IMMP2L: variants seen among roughly 807,000 people sequenced by gnomAD.
IMMP2L encodes the protein inner mitochondrial membrane peptidase subunit 2, also known as mitochondrial inner membrane protease subunit 2.
IMMP2L carries 18 observed loss-of-function variants against 19.3 expected under a neutral mutation model. The ratio of observed to expected loss-of-function variants is 0.93; its 90% CI spans 0.64 to 1.38. IMMP2L has a LOEUF of 1.38. Ranked by LOEUF, IMMP2L falls within the 40% of genes most tolerant of loss-of-function variation. The pLI is 0.00. For missense variants in IMMP2L, 233 were observed against 218.2 expected (o/e 1.07, Z -0.43); for synonymous variants, 76 against 73.0 (o/e 1.04, Z -0.21).
At chr7:111,367,272 AT>A (rs1393934082) in intron 3 of IMMP2L, among the ~76,000 whole-genome samples, 2 of 151,898 alleles carry the variant, frequency 1.3e-5, no homozygotes, top group East Asian at 3.9e-4. Context: ...TGTTTTAATA[AT>A]TTCTTCAAAA....
chr7:110,665,294 T>C (rs1159865322), intron 5 of IMMP2L, among the ~76,000 whole-genome samples: 6 of 152,210 alleles, frequency 3.9e-5, no homozygotes, highest in African/African-American at 1.2e-4. Context: ...ATATGAGACA[T>C]GTACACAGCT....
At position 111,525,399 on chromosome 7, in the gene IMMP2L, C is replaced by T. The variant is rs7810572; in HGVS notation, c.-2-3950G>A. On this transcript the variant is annotated intron_variant, in intron 1 of 5. Transcript: ENST00000405709. ...AGAGCAGTTAAGACCTCACAGGCCC[C>T]GTAAGGATTTGCAGCAAATGAGAAG... Among the ~76,000 whole-genome samples the T allele has an allele frequency of 8.2e-3, 1,241 of 151,988 alleles. 17 individuals carry two copies. The highest frequency in any genetic ancestry group is 0.045 in the East Asian group (231 of 5,144).
At chr7:110,731,209 CT>C (rs1796255196) in intron 5 of IMMP2L, among the ~76,000 whole-genome samples, 1 of 152,038 alleles carries the variant, frequency 6.6e-6, no homozygotes, top group Non-Finnish European at 1.5e-5. Context: ...GTAAAAACTA[CT>C]TTTTTAATCT....
At chr7:111,221,851 A>G (rs1055896340) in intron 3 of IMMP2L, among the ~76,000 whole-genome samples, 3 of 152,030 alleles carry the variant, frequency 2.0e-5, no homozygotes, top group African/African-American at 7.2e-5. Context: ...AGATACTGAA[A>G]CTATCATTAT....
Position 111,189,790 on chromosome 7 carries a change from G to A in IMMP2L, c.240-226225C>T, listed in dbSNP as rs546078329. 1.8e-4 allele frequency among the ~76,000 whole-genome samples: 27 copies of A among 152,200 alleles called. 1 individual carries two copies. The East Asian group carries it at 5.0e-3, about 28-fold the overall frequency. On this transcript the variant is annotated intron_variant, in intron 3 of 5. Transcript: ENST00000405709. ...TACCTCCAACCCACCCCAGGCATGG[G>A]AAATAGAGGGCTTAGGAGTAGAAAG...
chr7:110,980,123 G>A (rs547594380), intron 3 of IMMP2L, among the ~76,000 whole-genome samples: 1 of 120,472 alleles, frequency 8.3e-6, no homozygotes, highest in South Asian at 2.3e-4. Flanking sequence ...TATACCTCTA[G>A]CACTGTCTTC....
intron 5 of IMMP2L, among the ~76,000 whole-genome samples, chr7:110,753,461 CA>C (rs948765627): frequency 4.6e-5 from 7 of 151,918 alleles, no homozygotes; most frequent in African/African-American, 1.7e-4. Flanking sequence ...CTTGTATGAC[CA>C]AAATCCCATA....
intron 3 of IMMP2L, among the ~76,000 whole-genome samples, chr7:111,445,182 A>G (rs993386475): frequency 6.6e-6 from 1 of 151,812 alleles, no homozygotes; most frequent in African/African-American, 2.4e-5. Context: ...ATTTATAGGG[A>G]AAAAAAAGTC....
intron 3 of IMMP2L, among the ~76,000 whole-genome samples, chr7:111,398,829 C>T (rs1246663952): frequency 6.7e-6 from 1 of 150,292 alleles, no homozygotes; most frequent in East Asian, 2.0e-4. Flanking sequence ...TATACACCAA[C>T]AGTGACCAAG....
chr7:111,431,373 G>A (rs1836616042), intron 3 of IMMP2L, among the ~76,000 whole-genome samples: 1 of 151,796 alleles, frequency 6.6e-6, no homozygotes, highest in Non-Finnish European at 1.5e-5. Flanking sequence ...AAGTCAGTTT[G>A]CTTGGTCTCA....
intron 4 of IMMP2L, among the ~76,000 whole-genome samples, chr7:110,890,739 A>C (rs191264422): frequency 1.7e-4 from 26 of 152,296 alleles, no homozygotes; most frequent in African/African-American, 6.3e-4. Context: ...TGGTACTCTA[A>C]CTACCTGTCT....
intron 5 of IMMP2L, among the ~76,000 whole-genome samples, chr7:110,691,124 T>C (rs947967960): frequency 1.3e-5 from 2 of 152,124 alleles, no homozygotes; most frequent in African/African-American, 2.4e-5. Flanking sequence ...AGTAGATACA[T>C]AGACCAATGG....
At position 111,506,283 on chromosome 7, in the gene IMMP2L, CAG is replaced by C. The variant is rs371741784; in HGVS notation, c.135+15028_135+15029del. Among the ~76,000 whole-genome samples the C allele has an allele frequency of 2.4e-3, 363 of 151,920 alleles. 3 individuals carry two copies. Among genetic ancestry groups the C allele is most frequent in the African/African-American group, 8.3e-3 (345 of 41,490 alleles). ...CCTTCATAATAAGGTGGACACACCCCAGAGGTCTCTTTCTAAATTGACCCCAT... is the reference window on the plus strand; with the variant it reads ...CCTTCATAATAAGGTGGACACACCCCAGGTCTCTTTCTAAATTGACCCCAT... On this transcript the variant is annotated intron_variant, in intron 2 of 5. Coordinates refer to ENST00000405709, the MANE Select transcript of IMMP2L (RefSeq NM_032549.4).
intron 5 of IMMP2L, among the ~76,000 whole-genome samples, chr7:110,883,747 TTAAA>T (rs201576518): frequency 0.014 from 2,057 of 152,214 alleles, 28 homozygotes; most frequent in Non-Finnish European, 0.023. Flanking sequence ...ATTTTAGGTG[TTAAA>T]TAAATAAATA....
At chr7:111,216,961 C>A (rs1811989349) in intron 3 of IMMP2L, among the ~76,000 whole-genome samples, 1 of 151,862 alleles carries the variant, frequency 6.6e-6, no homozygotes, top group Non-Finnish European at 1.5e-5. Flanking sequence ...AGTGATTTTG[C>A]CCATATAAAT....
intron 5 of IMMP2L, among the ~76,000 whole-genome samples, chr7:110,780,694 T>TA (rs926943570): frequency 4.0e-5 from 6 of 151,288 alleles, no homozygotes; most frequent in African/African-American, 1.5e-4. Context: ...ATCAGCTGAT[T>TA]AAAAAAAAAT....
chr7:111,138,923 G>A (rs1802607790), intron 3 of IMMP2L, among the ~76,000 whole-genome samples: 1 of 152,104 alleles, frequency 6.6e-6, no homozygotes, highest in East Asian at 1.9e-4. Flanking sequence ...TCTAGGAAGG[G>A]AAAATATTGA....
At chr7:110,676,454 G>C (rs1209765773) in intron 5 of IMMP2L, among the ~76,000 whole-genome samples, 3 of 152,240 alleles carry the variant, frequency 2.0e-5, no homozygotes, top group Non-Finnish European at 4.4e-5. Context: ...TAATGTCTCT[G>C]ATTGGACAGG....
intron 5 of IMMP2L, among the ~76,000 whole-genome samples, chr7:110,855,099 A>C (rs1806625860): frequency 6.6e-6 from 1 of 152,012 alleles, no homozygotes; most frequent in African/African-American, 2.4e-5. Flanking sequence ...AGTCAGTTAA[A>C]AAATATGCAC....
Sources: gnomAD v4.1 joint callset for allele counts (sites outside exome capture counted in the v4.1 genomes callset) on GRCh38, gnomAD v4.1.1 for gene constraint, MANE v1.5 for transcripts, NCBI Gene and HGNC (gene_info 2026-07-23, HGNC 2026-07-21) for gene names.